Variants in KPNA4 observed in about 807,000 individuals in gnomAD.
KPNA4 encodes karyopherin subunit alpha 4, also known as importin subunit alpha-3.
In KPNA4, 13 loss-of-function variants were observed where a neutral mutation model predicts 71.3. That is an observed-to-expected ratio of 0.18 (90% CI 0.12 to 0.29). The LOEUF is 0.29. KPNA4 is among the 10% of genes least tolerant of loss of function. The probability of loss-of-function intolerance (pLI) is 1.00; values close to 1 mark genes in which losing one functional copy is unlikely to be tolerated. For missense variants in KPNA4, 334 were observed against 603.2 expected (o/e 0.55, Z 4.67); for synonymous variants, 189 against 195.2 (o/e 0.97, Z 0.26).
chr3:160,531,007 C>T, intron 6 of KPNA4, 67 bp from the exon 7 acceptor site: 1 of 1,020,422 alleles, frequency 9.8e-7, no homozygotes, highest in Non-Finnish European at 1.5e-6. Flanking sequence ...TCTAACCATT[C>T]TTCCTTCTAC....
intron 10 of KPNA4, among the ~76,000 whole-genome samples, chr3:160,525,294 T>C (rs868847625): frequency 1.3e-5 from 2 of 152,224 alleles, no homozygotes; most frequent in Admixed American, 6.5e-5. Context: ...TAAAGGGCAA[T>C]TGATGTCCAT....
intron 13 of KPNA4, among the ~76,000 whole-genome samples, chr3:160,512,163 C>T (rs1721108855): frequency 6.6e-6 from 1 of 152,088 alleles, no homozygotes; most frequent in African/African-American, 2.4e-5. Context: ...ACACCATTCT[C>T]TACAAAACAA....
chr3:160,565,292 G>A lies in KPNA4; in HGVS notation c.-10C>T. Reference sequence around the variant, plus strand: ...TCTCGTTGTCCGCCATGGCCGGGCCGGTGACTCCTTCCCCCGCCCGGGCCC... The same window carrying A: ...TCTCGTTGTCCGCCATGGCCGGGCCAGTGACTCCTTCCCCCGCCCGGGCCC... On this transcript the variant is annotated 5_prime_UTR_variant, in exon 1 of 17. Coordinates refer to ENST00000334256, the MANE Select transcript of KPNA4 (RefSeq NM_002268.5). The A allele has an allele frequency of 9.4e-6, 15 of 1,593,124 alleles. No homozygotes were observed. Among genetic ancestry groups the A allele is most frequent in the Non-Finnish European group, 1.2e-5 (14 of 1,169,946 alleles).
chr3:160,558,893 A>G (rs1029956162), intron 1 of KPNA4, among the ~76,000 whole-genome samples: 1 of 152,226 alleles, frequency 6.6e-6, no homozygotes, highest in African/African-American at 2.4e-5. Flanking sequence ...TTTAAAAGTC[A>G]GCTCACTTAA....
In KPNA4 at chr3:160,508,120, T is replaced by C; in HGVS notation, c.1359A>G (p.Ile453Met). ...TAATAAACTTACCTCCACATTCTTC[T>C]ATAAGATTGCCTATGGTTTCTGCCT... ...EDEAETIGNL[I>M]EECGGLEKIE... Residue 453 changes from isoleucine (I) to methionine (M), a missense_variant, in exon 15 of 17, where the codon ATA (isoleucine) becomes ATG (methionine). Ile to Met is a conservative substitution (Grantham distance 10). Coordinates refer to ENST00000334256, the MANE Select transcript of KPNA4 (RefSeq NM_002268.5). 1.2e-6 allele frequency: 2 copies of C among 1,602,240 alleles called. No homozygotes were observed. Among genetic ancestry groups the C allele is most frequent in the Non-Finnish European group, 8.5e-7 (1 of 1,175,664 alleles).
chr3:160,544,612 A>G (rs1318500934), intron 1 of KPNA4, among the ~76,000 whole-genome samples: 1 of 152,198 alleles, frequency 6.6e-6, no homozygotes, highest in East Asian at 1.9e-4. Flanking sequence ...AAATTTCACA[A>G]ACTGTTTGAG....
In KPNA4 at chr3:160,495,079, A is replaced by ATATGCCGACCTTGCCCT. The variant is rs1441989565; in HGVS notation, c.*7008_*7024dup. 6.6e-6 allele frequency: 1 copy of ATATGCCGACCTTGCCCT among 152,230 alleles called. No individual in the cohort carries two copies. The highest frequency in any genetic ancestry group is 1.5e-5 in the Non-Finnish European group (1 of 68,048). The allele number at this position is 152,230 out of a possible 1,614,324, so 9.4% of individuals were successfully genotyped here. ...TCACGGTGTTTACAGAACTTTGCTT[A>ATATGCCGACCTTGCCCT]TATGCCGACCTTGCCCTTAAGGAGC... On this transcript the variant is annotated 3_prime_UTR_variant, in exon 17 of 17. Transcript: ENST00000334256.
At chr3:160,542,952 G>A (rs747329668) in intron 1 of KPNA4, among the ~76,000 whole-genome samples, 4 of 152,132 alleles carry the variant, frequency 2.6e-5, no homozygotes, top group Non-Finnish European at 5.9e-5. Context: ...GTAAGAAACT[G>A]TTAGGTGTTA....
chr3:160,500,621 C>T lies in KPNA4; in HGVS notation c.*1483G>A, dbSNP rs766016397. On this transcript the variant is annotated 3_prime_UTR_variant, in exon 17 of 17. Coordinates refer to ENST00000334256, the MANE Select transcript of KPNA4 (RefSeq NM_002268.5). ...CAATTTATAAAAACCACTTGCATAA[C>T]TTTTATGCAAGTTTTAAAAATACAA... is the stretch of plus-strand genomic sequence containing the variant. 14 of 152,504 alleles carry T rather than the reference C, an allele frequency of 9.2e-5. No homozygotes were observed. The highest frequency in any genetic ancestry group is 1.9e-4 in the Non-Finnish European group (13 of 67,996). 9.4% of individuals were successfully genotyped at this position (152,504 alleles called of 1,614,324 possible).
At position 160,565,405 on chromosome 3, in the gene KPNA4, T is replaced by G; in HGVS notation, c.-123A>C. The G allele has an allele frequency of 1.3e-6, 1 of 756,840 alleles. No individual in the cohort carries two copies. Among genetic ancestry groups the G allele is most frequent in the Non-Finnish European group, 2.2e-6 (1 of 459,644 alleles). The allele number at this position is 756,840 out of a possible 1,614,324, so 46.9% of individuals were successfully genotyped here. A position where few individuals can be genotyped will look rare whatever the true frequency, so the allele number is the denominator to read the frequency against. On this transcript the variant is annotated 5_prime_UTR_variant, in exon 1 of 17. Transcript: ENST00000334256. ...GCTGCTGTGCCCGCCGCGCCGCCGC[T>G]TCCTTCCTCCTCTCACCTGCCTCCG... is the stretch of plus-strand genomic sequence containing the variant.
intron 1 of KPNA4, among the ~76,000 whole-genome samples, chr3:160,550,291 G>C (rs1722013465): frequency 6.6e-6 from 1 of 151,544 alleles, no homozygotes; most frequent in Non-Finnish European, 1.5e-5. Flanking sequence ...TGTTTTGAAA[G>C]AGTCTTATTC....
chr3:160,517,263 T>A (rs563182837), intron 11 of KPNA4, among the ~76,000 whole-genome samples: 1 of 152,214 alleles, frequency 6.6e-6, no homozygotes, highest in South Asian at 2.1e-4. Flanking sequence ...CATAATGTTG[T>A]TAAAAGTTCG....
intron 1 of KPNA4, among the ~76,000 whole-genome samples, chr3:160,558,552 G>A (rs991730262): frequency 2.6e-5 from 4 of 152,254 alleles, no homozygotes; most frequent in East Asian, 3.9e-4. Context: ...TGACTCTACA[G>A]TCCATGTCTT....
chr3:160,551,732 T>G (rs1217504679), intron 1 of KPNA4, among the ~76,000 whole-genome samples: 3 of 151,952 alleles, frequency 2.0e-5, no homozygotes, highest in Non-Finnish European at 4.4e-5. Flanking sequence ...ATTGAGAGCC[T>G]GAAATGCCTA....
chr3:160,523,282 G>T (rs1404545571), intron 10 of KPNA4, among the ~76,000 whole-genome samples: 1 of 151,580 alleles, frequency 6.6e-6, no homozygotes, highest in Non-Finnish European at 1.5e-5. Context: ...ACCAGCCTGG[G>T]CAACACGGTG....
intron 8 of KPNA4, 100 bp downstream of exon 8, chr3:160,527,853 T>C: frequency 1.2e-6 from 1 of 802,706 alleles, no homozygotes. Flanking sequence ...AAACTAGTAC[T>C]GAAGGCAAAC....
intron 11 of KPNA4, among the ~76,000 whole-genome samples, chr3:160,519,597 A>G (rs1486423227): frequency 2.0e-5 from 3 of 151,544 alleles, no homozygotes; most frequent in Non-Finnish European, 2.9e-5. Context: ...GATCGAGACC[A>G]TCCTGGCTAA....
Position 160,521,763 on chromosome 3 carries a change from C to T in KPNA4, c.903+16G>A, listed in dbSNP as rs914194447. 6 of 1,606,884 alleles carry T rather than the reference C, an allele frequency of 3.7e-6. No individual in the cohort carries two copies. In the Admixed American group the frequency reaches 5.1e-5, roughly 14 times the overall value. On this transcript the variant is annotated intron_variant, in intron 11 of 16. Coordinates refer to ENST00000334256, the MANE Select transcript of KPNA4 (RefSeq NM_002268.5). ...GTGGTAAGAAATACTTATAATTTAA[C>T]TAAGAACAAACTTACCTGAACTTTA...
intron 13 of KPNA4, among the ~76,000 whole-genome samples, chr3:160,513,516 T>C (rs1721144282): frequency 6.6e-6 from 1 of 152,142 alleles, no homozygotes; most frequent in African/African-American, 2.4e-5. Context: ...CCTCCTGCTT[T>C]GGCCTCCCAG....
Sources: gnomAD v4.1 joint callset for allele counts (sites outside exome capture counted in the v4.1 genomes callset) on GRCh38, gnomAD v4.1.1 for gene constraint, MANE v1.5 for transcripts, NCBI Gene and HGNC (gene_info 2026-07-23, HGNC 2026-07-21) for gene names.